PCCA: variants seen among roughly 807,000 people sequenced by gnomAD.
PCCA encodes propionyl-CoA carboxylase alpha chain, mitochondrial.
Under a neutral mutation model 101.3 loss-of-function variants are expected in PCCA, and 74 were observed. That is an observed-to-expected ratio of 0.73 (90% CI 0.61 to 0.89). PCCA has a LOEUF of 0.89. PCCA is among the 40% of genes least tolerant of loss of function. PCCA has a pLI of 0.00. For synonymous variants in PCCA, 294 were observed against 313.6 expected (o/e 0.94, Z 0.66); for missense variants, 891 against 907.0 (o/e 0.98, Z 0.23).
chr13:100,290,542 G>T (rs2065045257), intron 12 of PCCA, among the ~76,000 whole-genome samples: 1 of 152,118 alleles, frequency 6.6e-6, no homozygotes, highest in Admixed American at 6.5e-5. Context: ...GGAATTCAGG[G>T]ACTTTTTTTT....
At chr13:100,320,088 A>G (rs1226802040) in intron 16 of PCCA, among the ~76,000 whole-genome samples, 2 of 152,288 alleles carry the variant, frequency 1.3e-5, no homozygotes, top group African/African-American at 2.4e-5. Flanking sequence ...CTTTGAAGCA[A>G]TTGTGAATGG....
At position 100,303,001 on chromosome 13, in the gene PCCA, A is replaced by AGTGGAC; in HGVS notation, c.1284+3_1284+4insGTGGAC. 1 of 1,539,700 alleles carries AGTGGAC rather than the reference A, an allele frequency of 6.5e-7. No individual in the cohort carries two copies. The highest frequency in any genetic ancestry group is 9.0e-7 in the Non-Finnish European group (1 of 1,112,208). On this transcript the variant is annotated splice_donor_region_variant and intron_variant, in intron 14 of 23. Transcript: ENST00000376285. ...AAGAACCGTTACATCTACCTGGTGT[A>AGTGGAC]AGTCATTAAGCTGTAATACCAGCTG...
chr13:100,135,531 T>G (rs1260761605), intron 4 of PCCA, among the ~76,000 whole-genome samples: 1 of 152,242 alleles, frequency 6.6e-6, no homozygotes, highest in African/African-American at 2.4e-5. Flanking sequence ...GTGATCTTGC[T>G]AAACTCATTA....
At chr13:100,149,227 A>T (rs1594374061) in intron 4 of PCCA, 1 of 124,624 alleles carries the variant, frequency 8.0e-6, no homozygotes, top group South Asian at 2.4e-4. Flanking sequence ...TTAACCTTTT[A>T]GTCTTTCAGG....
intron 7 of PCCA, among the ~76,000 whole-genome samples, chr13:100,233,048 A>T (rs1480172298): frequency 6.6e-6 from 1 of 152,118 alleles, no homozygotes; most frequent in South Asian, 2.1e-4. Flanking sequence ...TTTTTTTCTT[A>T]TTAAAACACC....
chr13:100,135,364 C>G (rs1378339496), intron 4 of PCCA, among the ~76,000 whole-genome samples: 1 of 152,050 alleles, frequency 6.6e-6, no homozygotes, highest in Admixed American at 6.5e-5. Context: ...TACATTCCAG[C>G]CTGGGTGACA....
At chr13:100,253,995 G>A (rs968053096) in intron 8 of PCCA, among the ~76,000 whole-genome samples, 3 of 152,120 alleles carry the variant, frequency 2.0e-5, no homozygotes, top group East Asian at 1.9e-4. Context: ...ACTGGGTAGT[G>A]TATAAAGAAA....
chr13:100,132,253 C>T (rs1420243383), intron 4 of PCCA, among the ~76,000 whole-genome samples: 1 of 12,242 alleles, frequency 8.2e-5, no homozygotes, highest in East Asian at 5.3e-3. Flanking sequence ...CTAGCACAAT[C>T]AGAATGCAGA....
At chr13:100,399,606 T>C (rs774794338) in intron 19 of PCCA, among the ~76,000 whole-genome samples, 1 of 152,176 alleles carries the variant, frequency 6.6e-6, no homozygotes, top group Non-Finnish European at 1.5e-5. Context: ...GCATCGCAAT[T>C]GACACTAATT....
In PCCA at chr13:100,352,429, G is replaced by A. The variant is rs373037153; in HGVS notation, c.1643+12170G>A. Among the ~76,000 whole-genome samples the A allele has an allele frequency of 1.0e-3, 143 of 143,010 alleles. 4 individuals are homozygous for A. In the South Asian group the frequency reaches 0.029, roughly 29 times the overall value. 93.8% of individuals were successfully genotyped at this position (143,010 alleles called of 152,430 possible). A position where few individuals can be genotyped will look rare whatever the true frequency, so the allele number is the denominator to read the frequency against. ...TTTTTTTTTTTTGAGATAGGGTCTT[G>A]CTCTATCACCCAGTCTGGAGTGCAG... On this transcript the variant is annotated intron_variant, in intron 18 of 23. Coordinates refer to ENST00000376285, the MANE Select transcript of PCCA (RefSeq NM_000282.4).
chr13:100,096,134 C>T (rs948221096), intron 1 of PCCA, among the ~76,000 whole-genome samples: 1 of 152,100 alleles, frequency 6.6e-6, no homozygotes, highest in Non-Finnish European at 1.5e-5. Context: ...ATTGACCCTG[C>T]AGATACTGCT....
Position 100,149,616 on chromosome 13 carries a change from C to T in PCCA, c.301-5363C>T, listed in dbSNP as rs576306475. The stretch of plus-strand genomic sequence containing the variant: ...TGCTACTTTCAGCCAAGGAGTGCAT[C>T]TAGTCCGTATTACATCATCCTTGGA... On this transcript the variant is annotated intron_variant, in intron 4 of 23. Transcript: ENST00000376285. 2.0e-5 allele frequency: 3 copies of T among 152,334 alleles called. No individual in the cohort carries two copies. In the South Asian group the frequency reaches 6.2e-4, roughly 32 times the overall value. 9.4% of individuals were successfully genotyped at this position (152,334 alleles called of 1,614,324 possible).
intron 20 of PCCA, among the ~76,000 whole-genome samples, chr13:100,445,166 G>T (rs982635353): frequency 6.6e-6 from 1 of 152,132 alleles, no homozygotes; most frequent in Non-Finnish European, 1.5e-5. Flanking sequence ...GCTTTCTCAG[G>T]AACTAAGAGC....
chr13:100,307,088 A>C, intron 14 of PCCA, 104 bp from the exon 15 acceptor site: 1 of 770,118 alleles, frequency 1.3e-6, no homozygotes, highest in South Asian at 1.5e-5. Context: ...GTTATTTGAG[A>C]TTGAAATTCT....
chr13:100,308,456 C>G (rs2066637296), intron 15 of PCCA, among the ~76,000 whole-genome samples: 1 of 152,094 alleles, frequency 6.6e-6, no homozygotes. Flanking sequence ...ACCCAAGTAG[C>G]TGGGACTACA....
chr13:100,308,287 TAAAC>T (rs983198100), intron 15 of PCCA, among the ~76,000 whole-genome samples: 6 of 152,332 alleles, frequency 3.9e-5, no homozygotes, highest in African/African-American at 1.2e-4. Context: ...ATAGTTGCAG[TAAAC>T]AAACACTTTT....
chr13:100,126,304 C>A (rs374018990), intron 4 of PCCA, among the ~76,000 whole-genome samples: 3 of 151,820 alleles, frequency 2.0e-5, no homozygotes, highest in African/African-American at 7.3e-5. Context: ...TTAACAGAGT[C>A]ATTTAAACCT....
intron 12 of PCCA, among the ~76,000 whole-genome samples, chr13:100,285,676 C>T (rs1338968550): frequency 6.6e-6 from 1 of 152,160 alleles, no homozygotes; most frequent in African/African-American, 2.4e-5. Flanking sequence ...TTCAAATACG[C>T]ACGTGTGTGG....
chr13:100,527,174 G>T, intron 22 of PCCA: 1 of 397,362 alleles, frequency 2.5e-6, no homozygotes. Flanking sequence ...TGTACGATTC[G>T]GTGGTTTCAG....
Sources: gnomAD v4.1 joint callset for allele counts (sites outside exome capture counted in the v4.1 genomes callset) on GRCh38, gnomAD v4.1.1 for gene constraint, MANE v1.5 for transcripts, NCBI Gene and HGNC (gene_info 2026-07-23, HGNC 2026-07-21) for gene names.